Variants in MRPL16 observed in about 807,000 individuals in gnomAD.
MRPL16 encodes the protein mitochondrial ribosomal protein L16.
MRPL16 carries 17 observed loss-of-function variants against 22.7 expected under a neutral mutation model. The ratio of observed to expected loss-of-function variants is 0.75; its 90% CI spans 0.51 to 1.12. The LOEUF (loss-of-function observed/expected upper bound fraction) is 1.12, where lower values mean the gene tolerates loss of function less well. MRPL16 is among the 50% of genes most tolerant of loss of function. The pLI, the probability that MRPL16 is intolerant of heterozygous loss-of-function variation, is 0.00. For synonymous variants in MRPL16, 103 were observed against 112.8 expected, an observed-to-expected ratio of 0.91 and a Z score of 0.55; for missense variants, 316 against 328.7, an observed-to-expected ratio of 0.96 and a Z score of 0.30.
At chr11:59,810,155 A>G in intron 1 of MRPL16, 1 of 668,792 alleles carries the variant, frequency 1.5e-6, no homozygotes, top group Non-Finnish European at 2.2e-6. Flanking sequence ...ACAGTCGCCC[A>G]CCACCACGCC....
intron 1 of MRPL16, chr11:59,810,304 C>A (rs976470325): frequency 1.6e-6 from 2 of 1,284,414 alleles, no homozygotes; most frequent in African/African-American, 1.5e-5. Context: ...CCACCGCGCC[C>A]GCCCAAAAGT....
At position 59,806,457 on chromosome 11, in the gene MRPL16, C is replaced by T. The variant is rs763449921; in HGVS notation, c.646G>A (p.Glu216Lys). 6.2e-7 allele frequency: 1 copy of T among 1,614,122 alleles called. No homozygotes were observed. The highest frequency in any genetic ancestry group is 8.5e-7 in the Non-Finnish European group (1 of 1,180,054). ...ERNNQNPWTF[E>K]RIATANMLGI... ...AGCATGTTGGCAGTGGCTATTCGCT[C>T]AAATGTCCAGGGGTTCTGGTTGTTA... Residue 216 changes from glutamate (E) to lysine (K), a missense_variant, in exon 4 of 4, where the codon GAG (glutamate) becomes AAG (lysine). Physicochemically the swap from Glu to Lys is moderately conservative, Grantham distance 56. Coordinates refer to ENST00000300151, the MANE Select transcript of MRPL16 (RefSeq NM_017840.4).
Position 59,806,819 on chromosome 11 carries a change from C to G in MRPL16, c.284G>C (p.Gly95Ala). The G allele has an allele frequency of 1.2e-6, 2 of 1,607,768 alleles. No individual in the cohort carries two copies. The highest frequency in any genetic ancestry group is 1.7e-6 in the Non-Finnish European group (2 of 1,174,644). ...GNFAILALGG[G>A]YLHWGHFEMM... is the part of the protein sequence containing the mutation. ...TTCAAAGTGGCCCCAATGCAGGTAG[C>G]CACCACCCAATGCCTAAAAGTGAAT... is the stretch of plus-strand genomic sequence containing the variant. Residue 95 changes from glycine (G) to alanine (A), a missense_variant, in exon 4 of 4, where the codon GGC becomes GCC. Gly to Ala is a moderately conservative substitution (Grantham distance 60). Coordinates refer to ENST00000300151, the MANE Select transcript of MRPL16 (RefSeq NM_017840.4).
intron 2 of MRPL16, 51 bp from the exon 3 acceptor site, chr11:59,807,900 G>T (rs1460738427): frequency 2.0e-6 from 3 of 1,477,992 alleles, no homozygotes; most frequent in East Asian, 4.8e-5. Flanking sequence ...CATCTCAAAA[G>T]ATCTATTTTC....
intron 1 of MRPL16, 39 bp from the exon 2 acceptor site, chr11:59,809,959 G>C (rs1475713022): frequency 1.3e-6 from 2 of 1,550,280 alleles, no homozygotes; most frequent in Non-Finnish European, 1.8e-6. Flanking sequence ...AAGGTAACAG[G>C]CCGGGACCCC....
intron 3 of MRPL16, chr11:59,807,107 G>A: frequency 2.4e-6 from 1 of 409,748 alleles, no homozygotes; most frequent in South Asian, 3.6e-5. Context: ...AGAGAGGAGT[G>A]TGCCAGGCAT....
At position 59,806,158 on chromosome 11, in the gene MRPL16, A is replaced by G. The variant is rs1355883200; in HGVS notation, c.*189T>C. ...AGTTATATCCTGAAGTGATGTTTAA[A>G]TTTTATTTAATAAAAATACAGTTTT... On this transcript the variant is annotated 3_prime_UTR_variant, in exon 4 of 4. Coordinates refer to ENST00000300151, the MANE Select transcript of MRPL16 (RefSeq NM_017840.4). 6 of 618,220 alleles carry G rather than the reference A, an allele frequency of 9.7e-6. No homozygotes were observed. In the East Asian group the frequency reaches 1.8e-4, roughly 18 times the overall value. The allele number at this position is 618,220 out of a possible 1,614,324, so 38.3% of individuals were successfully genotyped here.
intron 1 of MRPL16, 83 bp from the exon 2 acceptor site, chr11:59,810,003 TTTTA>T: frequency 9.2e-7 from 1 of 1,085,130 alleles, no homozygotes; most frequent in South Asian, 1.5e-5. Context: ...TACTTCTTAT[TTTTA>T]TTTATTTTAT....
Position 59,806,648 on chromosome 11 carries a change from G to T in MRPL16, c.455C>A (p.Thr152Lys). The T allele has an allele frequency of 6.2e-7, 1 of 1,614,230 alleles. No homozygotes were observed. The highest frequency in any genetic ancestry group is 1.1e-5 in the South Asian group (1 of 91,078). The change falls in exon 4 of 4, where the codon ACA becomes AAA. Residue 152 changes from threonine (T) to lysine (K), a missense_variant. Transcript: ENST00000300151. ...GGKGAIDHYV[T>K]PVKAGRLVVE... ...AACAAGGCGGCCAGCCTTCACAGGT[G>T]TCACGTAGTGGTCAATAGCACCTTT...
chr11:59,806,884 TG>T, intron 3 of MRPL16, 52 bp from the exon 4 acceptor site: 1 of 1,560,606 alleles, frequency 6.4e-7, no homozygotes, highest in South Asian at 1.2e-5. Context: ...ACATCATCTA[TG>T]GGCTCATTAT....
Position 59,810,697 on chromosome 11 carries a change from C to T in MRPL16, c.-39G>A. 6.2e-7 allele frequency: 1 copy of T among 1,612,404 alleles called. No individual in the cohort carries two copies. Among genetic ancestry groups the T allele is most frequent in the East Asian group, 2.2e-5 (1 of 44,860 alleles). The stretch of plus-strand genomic sequence containing the variant: ...CGGCGGCGCGGAGCTCCCCCAGCGA[C>T]TCCGGCTGTCTCCTGCACCCAGGTA... On this transcript the variant is annotated 5_prime_UTR_variant, in exon 1 of 4. Transcript: ENST00000300151.
rs1424020925 is a variant in MRPL16, at chr11:59,810,757, T to C, written c.-99A>G. ...GCTCCACTACCTAGCTGTAATCGGCTCAGGACACCGCTCAGTGGGGCCGGA... is the reference window on the plus strand; with the variant it reads ...GCTCCACTACCTAGCTGTAATCGGCCCAGGACACCGCTCAGTGGGGCCGGA... On this transcript the variant is annotated 5_prime_UTR_variant, in exon 1 of 4. Transcript: ENST00000300151. The C allele has an allele frequency of 1.0e-5, 14 of 1,369,522 alleles. No homozygotes were observed. The highest frequency in any genetic ancestry group is 1.4e-5 in the Non-Finnish European group (14 of 970,592). The allele number at this position is 1,369,522 out of a possible 1,614,324, so 84.8% of individuals were successfully genotyped here. A position where few individuals can be genotyped will look rare whatever the true frequency, so the allele number is the denominator to read the frequency against.
Position 59,809,917 on chromosome 11 carries a change from G to GA in MRPL16, c.58dup (p.Ser20PhefsTer21). The GA allele has an allele frequency of 6.2e-7, 1 of 1,612,804 alleles. No homozygotes were observed. Among genetic ancestry groups the GA allele is most frequent in the Admixed American group, 1.7e-5 (1 of 59,872 alleles). ...AGCACTGGCGGGGAGGAGTGCCCAGGAATCTACAAAGACAAATCAAGTTAA... is the reference window on the plus strand; with the variant it reads ...AGCACTGGCGGGGAGGAGTGCCCAGGAAATCTACAAAGACAAATCAAGTTAA... On this transcript the variant is annotated frameshift_variant, in exon 2 of 4. Coordinates refer to ENST00000300151, the MANE Select transcript of MRPL16 (RefSeq NM_017840.4). LOFTEE classifies it high-confidence loss of function.
At chr11:59,809,686 A>G in intron 2 of MRPL16, 169 bp downstream of exon 2, 1 of 690,268 alleles carries the variant, frequency 1.4e-6, no homozygotes, top group Non-Finnish European at 2.4e-6. Context: ...TCTTTGATTT[A>G]TTTCTAGTGC....
In MRPL16 at chr11:59,809,884, T is replaced by C; in HGVS notation, c.92A>G (p.Lys31Arg). 1 of 1,613,462 alleles carries C rather than the reference T, an allele frequency of 6.2e-7. No homozygotes were observed. The part of the protein sequence containing the change: ...WALLPASAGV[K>R]TLLPVPSFED... ...AAAACTTGGTACTGGGAGCAGTGTC[T>C]TTACGCCAGCACTGGCGGGGAGGAG... Residue 31 changes from lysine to arginine, a missense_variant, in exon 2 of 4, where the codon AAG becomes AGG. Transcript: ENST00000300151.
chr11:59,808,604 T>C (rs1866137749), intron 2 of MRPL16: 1 of 152,212 alleles, frequency 6.6e-6, no homozygotes, highest in Admixed American at 6.5e-5. Flanking sequence ...CTACATACCA[T>C]GTCACAAAAA....
rs752231139 is a variant in MRPL16 at position 59,806,347 on chromosome 11, C to A, written c.756G>T (p.Ter252TyrextTer1). 3 of 1,613,904 alleles carry A rather than the reference C, an allele frequency of 1.9e-6. No individual in the cohort carries two copies. Among genetic ancestry groups the A allele is most frequent in the Non-Finnish European group, 2.5e-6 (3 of 1,179,792 alleles). Reference sequence around the variant, plus strand: ...TATATACAGTTATCTCCTACACTCACTACACACGTTTGGGCATGTAGAACT... The same window carrying A: ...TATATACAGTTATCTCCTACACTCAATACACACGTTTGGGCATGTAGAACT... ...WGKFYMPKRV* is the reference protein window; with the variant it reads ...WGKFYMPKRVY Residue 252 changes from the stop codon to tyrosine (Y), a stop_lost, in exon 4 of 4, where the codon TAG becomes TAT. Coordinates refer to ENST00000300151, the MANE Select transcript of MRPL16 (RefSeq NM_017840.4).
At position 59,806,197 on chromosome 11, in the gene MRPL16, C is replaced by T; in HGVS notation, c.*150G>A. 1 of 843,806 alleles carries T rather than the reference C, an allele frequency of 1.2e-6. No homozygotes were observed. The highest frequency in any genetic ancestry group is 1.8e-6 in the Non-Finnish European group (1 of 550,232). 52.3% of individuals were successfully genotyped at this position (843,806 alleles called of 1,614,324 possible). On this transcript the variant is annotated 3_prime_UTR_variant, in exon 4 of 4. Transcript: ENST00000300151. ...AAATACAGTTTTCTTTTTAAATCAA[C>T]AAATAACATTGTTTTTCAGAAATCT...
rs1026367255 is a variant in MRPL16, at chr11:59,810,766, C to A, written c.-108G>T. 4 of 1,242,878 alleles carry A rather than the reference C, an allele frequency of 3.2e-6. No individual in the cohort carries two copies. In the Admixed American group the frequency reaches 8.1e-5, roughly 25 times the overall value. The allele number at this position is 1,242,878 out of a possible 1,614,324, so 77.0% of individuals were successfully genotyped here. On this transcript the variant is annotated 5_prime_UTR_variant, in exon 1 of 4. Transcript: ENST00000300151. ...CCTAGCTGTAATCGGCTCAGGACAC[C>A]GCTCAGTGGGGCCGGAAGTTGTGTT...
Sources: allele counts gnomAD v4.1 joint callset, GRCh38; gene constraint gnomAD v4.1.1; transcripts MANE v1.5; gene names NCBI Gene and HGNC (gene_info 2026-07-23, HGNC 2026-07-21).